ZNF536: variants seen among roughly 807,000 people sequenced by gnomAD.
ZNF536 encodes zinc finger protein 536.
Under a neutral mutation model 84.5 loss-of-function variants are expected in ZNF536, and 13 were observed. That is an observed-to-expected ratio of 0.15 (90% CI 0.10 to 0.24). ZNF536 has a LOEUF of 0.24. Among genes scored for constraint, ZNF536 ranks in the 10% least tolerant of loss-of-function variants. ZNF536 has a pLI of 1.00. For synonymous variants in ZNF536, 811 were observed against 742.5 expected, an observed-to-expected ratio of 1.09 and a Z score of -1.50; for missense variants, 1,536 against 1,747.5, an observed-to-expected ratio of 0.88 and a Z score of 2.16.
intron 1 of ZNF536, 53 bp from the exon 2 acceptor site, chr19:30,443,508 C>G (rs1360903109): frequency 5.3e-6 from 8 of 1,499,244 alleles, no homozygotes; most frequent in Non-Finnish European, 6.2e-6. Flanking sequence ...GCTGTTGATT[C>G]ATGGCGCCAC....
intron 1 of ZNF536, among the ~76,000 whole-genome samples, chr19:30,264,893 G>A (rs912350573): frequency 6.6e-6 from 1 of 151,798 alleles, no homozygotes; most frequent in African/African-American, 2.4e-5. Context: ...AAGATAAACC[G>A]GGGGGATTAA....
Position 30,399,991 on chromosome 19 carries a change from G to A in ZNF536, c.-3+27435G>A, listed in dbSNP as rs1468023608. Among the ~76,000 whole-genome samples, 4 of 152,138 alleles carry A rather than the reference G, an allele frequency of 2.6e-5. No individual in the cohort carries two copies. The South Asian group carries it at 8.3e-4, about 31-fold the overall frequency. ...GCGTGAGCCACCGCACCCAGCCTTGGCATTGGCTTTTTAAAATTCAGCATA... is the reference window on the plus strand; with the variant it reads ...GCGTGAGCCACCGCACCCAGCCTTGACATTGGCTTTTTAAAATTCAGCATA... On this transcript the variant is annotated intron_variant, in intron 1 of 4. Coordinates refer to ENST00000355537, the MANE Select transcript of ZNF536 (RefSeq NM_014717.3).
chr19:30,254,451 G>A (rs1186163017), intron 1 of ZNF536, among the ~76,000 whole-genome samples: 1 of 151,922 alleles, frequency 6.6e-6, no homozygotes, highest in Non-Finnish European at 1.5e-5. Context: ...GTTTTTCCAG[G>A]GTAGGAACAC....
In ZNF536 at chr19:30,684,768, C is replaced by T. The variant is rs544391270; in HGVS notation, c.170-25989C>T. Among the ~76,000 whole-genome samples the T allele has an allele frequency of 3.9e-5, 6 of 152,260 alleles. No homozygotes were observed. In the South Asian group the frequency reaches 1.2e-3, roughly 32 times the overall value. ...AAGGGAGGGGGCTGTTGCTTCACAGCATGACTTTATAGGGGCTGATTGACG... is the reference window on the plus strand; with the variant it reads ...AAGGGAGGGGGCTGTTGCTTCACAGTATGACTTTATAGGGGCTGATTGACG... On this transcript the variant is annotated intron_variant, in intron 1 of 1. Transcript: ENST00000592773.
chr19:30,551,957 G>A (rs2045801626), intron 4 of ZNF536, among the ~76,000 whole-genome samples: 1 of 151,946 alleles, frequency 6.6e-6, no homozygotes, highest in Admixed American at 6.6e-5. Context: ...GGGCTACTGT[G>A]ATATCCCAGA....
chr19:30,684,500 C>T (rs761200262), intron 1 of ZNF536, among the ~76,000 whole-genome samples: 6 of 152,170 alleles, frequency 3.9e-5, no homozygotes, highest in African/African-American at 7.2e-5. Flanking sequence ...CATGGATTCA[C>T]GGTCCAGGTT....
chr19:30,369,340 C>T (rs1375139646), upstream of ZNF536, among the ~76,000 whole-genome samples: 2 of 152,162 alleles, frequency 1.3e-5, no homozygotes, highest in African/African-American at 2.4e-5. Context: ...ACTATTTCTG[C>T]CCACTCAAGG....
At chr19:30,665,696 C>G (rs537834706) in intron 1 of ZNF536, 22 of 152,442 alleles carry the variant, frequency 1.4e-4, no homozygotes, top group African/African-American at 5.3e-4. Context: ...AAAAGACACC[C>G]TTTCCATGTC....
At chr19:30,412,813 C>G (rs988690336) in intron 1 of ZNF536, among the ~76,000 whole-genome samples, 1 of 151,760 alleles carries the variant, frequency 6.6e-6, no homozygotes, top group Admixed American at 6.6e-5. Flanking sequence ...TATACAGAGA[C>G]GATCTGTTTC....
At chr19:30,334,902 G>A (rs981250258) in intron 2 of ZNF536, among the ~76,000 whole-genome samples, 10 of 152,186 alleles carry the variant, frequency 6.6e-5, no homozygotes, top group Admixed American at 4.6e-4. Context: ...AGTTCACAAG[G>A]GGGTCTGGGC....
At chr19:30,343,470 G>C (rs916223255) in intron 2 of ZNF536, among the ~76,000 whole-genome samples, 1 of 152,096 alleles carries the variant, frequency 6.6e-6, no homozygotes, top group African/African-American at 2.4e-5. Context: ...CCAGTTGAGG[G>C]GCCTTGACCT....
intron 3 of ZNF536, among the ~76,000 whole-genome samples, chr19:30,537,379 T>C (rs1236769264): frequency 6.6e-5 from 10 of 152,178 alleles, no homozygotes; most frequent in Admixed American, 5.9e-4. Context: ...ATGCTTGAGC[T>C]GCCTGCAGGA....
intron 1 of ZNF536, among the ~76,000 whole-genome samples, chr19:30,414,600 CCCTTGAACAAGACAA>C (rs2147755284): frequency 6.6e-6 from 1 of 152,314 alleles, no homozygotes; most frequent in East Asian, 1.9e-4. Flanking sequence ...TCCATATCCT[CCCTTGAACAAGACAA>C]AGCCTTATCT....
chr19:30,438,868 A>G (rs777791325), intron 1 of ZNF536, among the ~76,000 whole-genome samples: 2 of 151,890 alleles, frequency 1.3e-5, no homozygotes, highest in Admixed American at 6.6e-5. Flanking sequence ...TTTAGTAGAG[A>G]TGGGGCTTTG....
intron 1 of ZNF536, among the ~76,000 whole-genome samples, chr19:30,670,708 G>C (rs893300620): frequency 6.6e-6 from 1 of 152,218 alleles, no homozygotes; most frequent in African/African-American, 2.4e-5. Context: ...CTTCCCCAGA[G>C]ACGCCTTTCC....
chr19:30,275,989 C>T (rs553295910), intron 1 of ZNF536, among the ~76,000 whole-genome samples: 6 of 152,256 alleles, frequency 3.9e-5, no homozygotes, highest in Non-Finnish European at 8.8e-5. Flanking sequence ...TCCCTCTCTC[C>T]TTTCTTCCTT....
chr19:30,487,091 T>C (rs923575564), intron 2 of ZNF536, among the ~76,000 whole-genome samples: 11 of 152,210 alleles, frequency 7.2e-5, no homozygotes, highest in African/African-American at 2.7e-4. Flanking sequence ...TTCTAAGTGG[T>C]TGAAAGATCT....
intron 2 of ZNF536, among the ~76,000 whole-genome samples, chr19:30,489,013 G>A (rs897248826): frequency 2.0e-5 from 3 of 152,152 alleles, no homozygotes; most frequent in Admixed American, 2.0e-4. Context: ...AAATCAGGAC[G>A]TTATATACTG....
At chr19:30,633,054 C>A (rs1403206358) in intron 1 of ZNF536, among the ~76,000 whole-genome samples, 3 of 152,160 alleles carry the variant, frequency 2.0e-5, no homozygotes, top group East Asian at 1.9e-4. Flanking sequence ...AAGAACTTAT[C>A]TTTTAAATTT....
Sources: gnomAD v4.1 joint callset for allele counts (sites outside exome capture counted in the v4.1 genomes callset) on GRCh38, gnomAD v4.1.1 for gene constraint, MANE v1.5 for transcripts, NCBI Gene and HGNC (gene_info 2026-07-23, HGNC 2026-07-21) for gene names.